UGT1A5: variants seen among roughly 807,000 people sequenced by gnomAD.
UGT1A5 encodes UDP-glucuronosyltransferase 1A5.
Under a neutral mutation model 40.3 loss-of-function variants are expected in UGT1A5, and 29 were observed. The ratio of observed to expected loss-of-function variants is 0.72; its 90% CI spans 0.54 to 0.98. The LOEUF is 0.98. UGT1A5 is among the 50% of genes least tolerant of loss of function. UGT1A5 has a pLI of 0.00. For synonymous variants in UGT1A5, 257 were observed against 262.5 expected, an observed-to-expected ratio of 0.98 and a Z score of 0.20; for missense variants, 678 against 677.9, an observed-to-expected ratio of 1.00 and a Z score of 0.00.
At chr2:233,719,378 G>T in intron 1 of UGT1A5, 1 of 1,613,952 alleles carries the variant, frequency 6.2e-7, no homozygotes, top group Non-Finnish European at 8.5e-7. Flanking sequence ...AGGGCACACA[G>T]TGTCCAAATC....
intron 1 of UGT1A5, among the ~76,000 whole-genome samples, chr2:233,735,366 G>C (rs2078646092): frequency 6.6e-6 from 1 of 151,988 alleles, no homozygotes; most frequent in Non-Finnish European, 1.5e-5. Context: ...TTGTTTGGTA[G>C]ATCTTCCTCC....
At chr2:233,770,880 T>C (rs1452182002) in intron 4 of UGT1A5, 6 of 152,248 alleles carry the variant, frequency 3.9e-5, no homozygotes, top group African/African-American at 1.2e-4. Context: ...AGAGGTTTCA[T>C]TGGCTCGTGT....
chr2:233,750,239 C>T (rs1187783492), intron 1 of UGT1A5, among the ~76,000 whole-genome samples: 2 of 151,854 alleles, frequency 1.3e-5, no homozygotes, highest in African/African-American at 2.4e-5. Context: ...TTATTGGGAA[C>T]TGGAACAAAG....
intron 1 of UGT1A5, among the ~76,000 whole-genome samples, chr2:233,735,786 T>C (rs1470873966): frequency 1.3e-5 from 2 of 152,218 alleles, no homozygotes; most frequent in Non-Finnish European, 2.9e-5. Context: ...TTTGGCTGCA[T>C]ATGAATTTCT....
At chr2:233,716,806 G>A (rs1420257230) in intron 1 of UGT1A5, among the ~76,000 whole-genome samples, 2 of 152,272 alleles carry the variant, frequency 1.3e-5, no homozygotes, top group South Asian at 2.1e-4. Flanking sequence ...GTCTCTGGAC[G>A]TTGCTGGGGT....
At chr2:233,744,388 A>G (rs1176772242) in intron 1 of UGT1A5, among the ~76,000 whole-genome samples, 1 of 151,864 alleles carries the variant, frequency 6.6e-6, no homozygotes, top group Non-Finnish European at 1.5e-5. Flanking sequence ...CCAACGTTCC[A>G]GCCCCGGTGC....
chr2:233,753,193 A>G (rs1695148860), intron 1 of UGT1A5: 1 of 152,208 alleles, frequency 6.6e-6, no homozygotes, highest in Admixed American at 6.5e-5. Context: ...ATTTTTCAAA[A>G]GCCCTGACAG....
chr2:233,720,113 A>G (rs1489056833), intron 1 of UGT1A5, among the ~76,000 whole-genome samples: 1 of 152,208 alleles, frequency 6.6e-6, no homozygotes, highest in African/African-American at 2.4e-5. Flanking sequence ...CTTGCGAAAG[A>G]TACAGAGGTG....
chr2:233,730,512 T>C (rs1468182310), intron 1 of UGT1A5, among the ~76,000 whole-genome samples: 3 of 152,116 alleles, frequency 2.0e-5, no homozygotes, highest in Non-Finnish European at 4.4e-5. Flanking sequence ...GTTGACTCAG[T>C]GGAAGTGGGG....
At chr2:233,751,840 C>G (rs55891750) in intron 1 of UGT1A5, among the ~76,000 whole-genome samples, 1 of 152,044 alleles carries the variant, frequency 6.6e-6, no homozygotes, top group Non-Finnish European at 1.5e-5. Flanking sequence ...GGAACTGAGT[C>G]ATTTAAACCT....
intron 1 of UGT1A5, among the ~76,000 whole-genome samples, chr2:233,760,000 T>C (rs1697300608): frequency 6.6e-6 from 1 of 152,218 alleles, no homozygotes; most frequent in Admixed American, 6.5e-5. Context: ...TCTGTGGAAA[T>C]ACTAATTTAA....
rs1434418426 is a variant in UGT1A5 at position 233,747,592 on chromosome 2, C to T, written c.868-19442C>T. On this transcript the variant is annotated intron_variant, in intron 1 of 4. Coordinates refer to ENST00000373414, the MANE Select transcript of UGT1A5 (RefSeq NM_019078.2). Reference sequence around the variant, plus strand: ...AATTCATCTTTGGTCTTTCATAGGTCTTGTGTGGAGCTACTGCATAATGAG... The same window carrying T: ...AATTCATCTTTGGTCTTTCATAGGTTTTGTGTGGAGCTACTGCATAATGAG... The T allele has an allele frequency of 5.7e-6, 9 of 1,575,532 alleles. No individual in the cohort carries two copies. The South Asian group carries it at 8.9e-5, about 16-fold the overall frequency.
chr2:233,735,668 T>C (rs552280878), intron 1 of UGT1A5, among the ~76,000 whole-genome samples: 4 of 152,360 alleles, frequency 2.6e-5, no homozygotes, highest in African/African-American at 4.8e-5. Context: ...TTTCCATGTT[T>C]AGTGCTTCCT....
At position 233,760,794 on chromosome 2, in the gene UGT1A5, ATTC is replaced by A. The variant is rs587776762; in HGVS notation, c.868-6234_868-6232del. On this transcript the variant is annotated intron_variant, in intron 1 of 4. Transcript: ENST00000373414. The stretch of plus-strand genomic sequence containing the variant: ...CCCAGTACCTGTCTCTGCCCACTGT[ATTC>A]TTCTTGCATGCACTGCCATGCAGCC... 8.7e-6 allele frequency: 14 copies of A among 1,613,302 alleles called. No homozygotes were observed. Among genetic ancestry groups the A allele is most frequent in the Non-Finnish European group, 1.2e-5 (14 of 1,179,518 alleles).
intron 1 of UGT1A5, among the ~76,000 whole-genome samples, chr2:233,759,575 A>G (rs1346908637): frequency 6.6e-6 from 1 of 151,414 alleles, no homozygotes; most frequent in Admixed American, 6.6e-5. Context: ...GTCATTCTCT[A>G]CCCCAGCACG....
At chr2:233,715,882 C>G (rs576558461) in intron 1 of UGT1A5, among the ~76,000 whole-genome samples, 42 of 152,296 alleles carry the variant, frequency 2.8e-4, no homozygotes, top group African/African-American at 9.9e-4. Flanking sequence ...CCTGTGGCCC[C>G]AGCTACTTGG....
chr2:233,719,869 A>G (rs1253818666), intron 1 of UGT1A5, among the ~76,000 whole-genome samples: 1 of 152,178 alleles, frequency 6.6e-6, no homozygotes, highest in Non-Finnish European at 1.5e-5. Flanking sequence ...ACTGAGAGGA[A>G]GAAGAGGCAC....
rs200357281 is a variant in UGT1A5 at position 233,713,228 on chromosome 2, G to T, written c.237G>T (p.Thr79=). 6.2e-7 allele frequency: 1 copy of T among 1,614,210 alleles called. No individual in the cohort carries two copies. The highest frequency in any genetic ancestry group is 1.7e-5 in the Admixed American group (1 of 60,030). Residue 79 remains threonine (T), a synonymous_variant, in exon 1 of 5, where the codon ACG becomes ACT. Transcript: ENST00000373414. ...AAGAGAACTTTTTCACCCTGACAAC[G>T]TATGCCATTTCATGGACCCAGGACG... is the stretch of plus-strand genomic sequence containing the variant. The part of the protein sequence containing the change: ...IKEENFFTLT[T]YAISWTQDEF...
chr2:233,719,683 C>T, intron 1 of UGT1A5: 1 of 1,614,076 alleles, frequency 6.2e-7, no homozygotes, highest in South Asian at 1.1e-5. Context: ...AAGCCACTAT[C>T]TCAGGTCTGT....
Sources: allele counts gnomAD v4.1 joint callset (sites outside exome capture counted in the v4.1 genomes callset), GRCh38; gene constraint gnomAD v4.1.1; transcripts MANE v1.5; gene names NCBI Gene and HGNC (gene_info 2026-07-23, HGNC 2026-07-21).